GNAS-AS1: variants seen among roughly 807,000 people sequenced by gnomAD.
GNAS-AS1 encodes GNAS antisense RNA 1, also known as GNAS antisense RNA 1 (non-protein coding).
At chr20:58,844,944 GGC>G (rs2085887718) in intron 2 of GNAS-AS1, among the ~76,000 whole-genome samples, 1 of 152,192 alleles carries the variant, frequency 6.6e-6, no homozygotes, top group Non-Finnish European at 1.5e-5. Context: ...GGTCTCAAAA[GGC>G]AGTTTAGAGA....
intron 4 of GNAS-AS1, among the ~76,000 whole-genome samples, chr20:58,830,581 A>AT (rs2085560659): frequency 1.4e-5 from 1 of 71,972 alleles, no homozygotes; most frequent in Non-Finnish European, 2.9e-5. Context: ...CCACACCACC[A>AT]CCACCACAAT....
Position 58,841,893 on chromosome 20 carries a change from A to G in GNAS-AS1, n.819+44T>C, listed in dbSNP as rs2085744722. ...GTGGAAAGGTAAAGCGGAACAAGGGACAGGCTGGAGACGGGGGTCGCGTCT... is the reference window on the plus strand; with the variant it reads ...GTGGAAAGGTAAAGCGGAACAAGGGGCAGGCTGGAGACGGGGGTCGCGTCT... On this transcript the variant is annotated intron_variant and non_coding_transcript_variant, in intron 4 of 4. Coordinates refer to ENST00000424094, the Ensembl canonical transcript of GNAS-AS1. This position sits in a 1 kb window ranked among gnomAD's most constrained non-coding sequence, Gnocchi z 5.0. 2 of 1,231,240 alleles carry G rather than the reference A, an allele frequency of 1.6e-6. No individual in the cohort carries two copies. Among genetic ancestry groups the G allele is most frequent in the Non-Finnish European group, 2.0e-6 (2 of 987,758 alleles). 76.3% of individuals were successfully genotyped at this position (1,231,240 alleles called of 1,614,324 possible). A position where few individuals can be genotyped will look rare whatever the true frequency, so the allele number is the denominator to read the frequency against.
intron 2 of GNAS-AS1, chr20:58,843,387 C>G (rs2085818984): frequency 6.6e-6 from 1 of 152,208 alleles, no homozygotes; most frequent in Non-Finnish European, 1.5e-5. Context: ...AACCTTCTCT[C>G]TGCCTGAGAG....
At chr20:58,821,874 C>G (rs1339410828) in intron 4 of GNAS-AS1, among the ~76,000 whole-genome samples, 5 of 152,180 alleles carry the variant, frequency 3.3e-5, no homozygotes, top group African/African-American at 1.2e-4. Flanking sequence ...CCCACAACAG[C>G]CCCAACAGAA....
In GNAS-AS1 at chr20:58,841,666, C is replaced by A; in HGVS notation, n.819+271G>T. ...GGCGGCGGGCGGTTAGGGGAAAGTACCTGGGGGAAAGGTAGAGGAGGTAAG... is the reference window on the plus strand; with the variant it reads ...GGCGGCGGGCGGTTAGGGGAAAGTAACTGGGGGAAAGGTAGAGGAGGTAAG... On this transcript the variant is annotated intron_variant and non_coding_transcript_variant, in intron 4 of 4. Coordinates refer to ENST00000424094, the Ensembl canonical transcript of GNAS-AS1. This position sits in a 1 kb window ranked among gnomAD's most constrained non-coding sequence, Gnocchi z 5.0. The A allele has an allele frequency of 8.7e-7, 1 of 1,153,620 alleles. No homozygotes were observed. The highest frequency in any genetic ancestry group is 1.1e-6 in the Non-Finnish European group (1 of 937,992). 71.5% of individuals were successfully genotyped at this position (1,153,620 alleles called of 1,614,324 possible).
At chr20:58,847,881 G>A (rs946037317) in intron 2 of GNAS-AS1, among the ~76,000 whole-genome samples, 2 of 152,166 alleles carry the variant, frequency 1.3e-5, no homozygotes, top group Non-Finnish European at 2.9e-5. Flanking sequence ...ATCCCAGAAT[G>A]TAAGTAGAAA....
intron 4 of GNAS-AS1, chr20:58,819,383 A>G (rs997439963): frequency 2.5e-5 from 10 of 397,456 alleles, no homozygotes; most frequent in African/African-American, 6.2e-5. Context: ...CTCCAACTTG[A>G]TATCTTGCTT....
intron 2 of GNAS-AS1, among the ~76,000 whole-genome samples, chr20:58,845,054 C>T (rs2085895812): frequency 6.6e-6 from 1 of 152,048 alleles, no homozygotes; most frequent in Non-Finnish European, 1.5e-5. Context: ...GTGTGTTCCC[C>T]ACCTTCTGTC....
At chr20:58,846,142 AC>A (rs111509025) in intron 2 of GNAS-AS1, among the ~76,000 whole-genome samples, 149 of 152,184 alleles carry the variant, frequency 9.8e-4, no homozygotes, top group African/African-American at 3.4e-3. Context: ...AGATAAGAGA[AC>A]CCCTGGGAAG....
At position 58,840,161 on chromosome 20, in the gene GNAS-AS1, G is replaced by T. The variant is rs746736450; in HGVS notation, n.819+1776C>A. 6.2e-7 allele frequency: 1 copy of T among 1,611,712 alleles called. No individual in the cohort carries two copies. Among genetic ancestry groups the T allele is most frequent in the African/African-American group, 1.3e-5 (1 of 75,038 alleles). On this transcript the variant is annotated intron_variant and non_coding_transcript_variant, in intron 4 of 4. Coordinates refer to ENST00000424094, the Ensembl canonical transcript of GNAS-AS1. This position sits in a 1 kb window ranked among gnomAD's most constrained non-coding sequence, Gnocchi z 6.0. ...GCGCCGAGCTCGCCATAATTACAAC[G>T]ACCTGTGCCCGCCCATAGGCCGCCG...
At chr20:58,846,683 C>T (rs1283159738) in intron 2 of GNAS-AS1, among the ~76,000 whole-genome samples, 2 of 152,228 alleles carry the variant, frequency 1.3e-5, no homozygotes, top group Non-Finnish European at 2.9e-5. Context: ...TTCTTCTCCC[C>T]TCAACCCCAT....
At chr20:58,831,629 TCAAAAACAAAAAAAAA>T (rs1405988793) in intron 4 of GNAS-AS1, among the ~76,000 whole-genome samples, 4 of 151,790 alleles carry the variant, frequency 2.6e-5, no homozygotes, top group East Asian at 1.9e-4. Context: ...AGACTCTGTC[TCAAAAACAAAAAAAAA>T]CAAAAACAAA....
intron 4 of GNAS-AS1, among the ~76,000 whole-genome samples, chr20:58,829,837 G>C (rs959020550): frequency 5.9e-5 from 9 of 152,082 alleles, no homozygotes; most frequent in African/African-American, 2.2e-4. Context: ...GTTATAAGGA[G>C]ACCTTCCTTA....
intron 4 of GNAS-AS1, among the ~76,000 whole-genome samples, chr20:58,830,327 T>C (rs866691675): frequency 7.1e-4 from 36 of 50,364 alleles, no homozygotes; most frequent in South Asian, 1.6e-3. Flanking sequence ...ACCATCATCA[T>C]CACCACCACC....
chr20:58,833,891 C>A (rs188180396), intron 4 of GNAS-AS1: 2 of 152,368 alleles, frequency 1.3e-5, no homozygotes, highest in Admixed American at 1.3e-4. Flanking sequence ...GGACTGATTA[C>A]AGTGCCCAGA....
In GNAS-AS1 at chr20:58,840,951, A is replaced by T. The variant is rs1371221344; in HGVS notation, n.819+986T>A. 4 of 1,549,662 alleles carry T rather than the reference A, an allele frequency of 2.6e-6. No homozygotes were observed. In the African/African-American group the frequency reaches 5.4e-5, roughly 21 times the overall value. ...TGTGGGAGCAGCGCAGGTGGAAAGG[A>T]GGTGAGAAGGAAAGGCAGGTCAGGG... On this transcript the variant is annotated intron_variant and non_coding_transcript_variant, in intron 4 of 4. Coordinates refer to ENST00000424094, the Ensembl canonical transcript of GNAS-AS1. The surrounding 1 kb of genome is among the most constrained non-coding windows in gnomAD (Gnocchi z 6.0).
chr20:58,824,957 G>A (rs1490258285), intron 4 of GNAS-AS1, among the ~76,000 whole-genome samples: 1 of 152,192 alleles, frequency 6.6e-6, no homozygotes, highest in African/African-American at 2.4e-5. Context: ...CTGGAACACT[G>A]CTTCAGAGCA....
At chr20:58,849,257 A>G (rs1363610918) in intron 1 of GNAS-AS1, among the ~76,000 whole-genome samples, 1 of 152,158 alleles carries the variant, frequency 6.6e-6, no homozygotes, top group Non-Finnish European at 1.5e-5. Flanking sequence ...GCAGAGGCTA[A>G]AACACCAAGT....
intron 4 of GNAS-AS1, among the ~76,000 whole-genome samples, chr20:58,838,006 C>A (rs897878723): frequency 5.3e-5 from 8 of 152,144 alleles, no homozygotes; most frequent in African/African-American, 1.9e-4. Flanking sequence ...GCCTGGTGGG[C>A]CACCCAGTGG....
Sources: gnomAD v4.1 joint callset for allele counts (sites outside exome capture counted in the v4.1 genomes callset) on GRCh38, gnomAD v4.1.1 for gene constraint, Gnocchi (gnomAD v3.1) non-coding constraint, MANE v1.5 for transcripts, NCBI Gene and HGNC (gene_info 2026-07-23, HGNC 2026-07-21) for gene names.